The following PCDHA4 variants were observed in gnomAD, a reference collection of about 807,000 sequenced individuals.
The protein encoded by PCDHA4 is protocadherin alpha 4.
A neutral mutation model predicts 61.4 loss-of-function variants in PCDHA4; 49 were observed. The ratio of observed to expected loss-of-function variants is 0.80; its 90% CI spans 0.63 to 1.01. PCDHA4 has a LOEUF of 1.01. Ranked by LOEUF, PCDHA4 falls within the 50% of genes least tolerant of loss-of-function variation. PCDHA4 has a pLI of 0.00. For synonymous variants in PCDHA4, 590 were observed against 550.3 expected, an observed-to-expected ratio of 1.07 and a Z score of -1.01; for missense variants, 1,254 against 1,235.8, an observed-to-expected ratio of 1.01 and a Z score of -0.22.
At chr5:140,868,859 A>G (rs2050687281) in intron 1 of PCDHA4, 1 of 502,518 alleles carries the variant, frequency 2.0e-6, no homozygotes, top group African/African-American at 1.9e-5. Context: ...TGTGGTGGTA[A>G]ATGCAGTGCA....
intron 1 of PCDHA4, chr5:140,827,813 G>T (rs1489929316): frequency 5.5e-6 from 2 of 360,766 alleles, no homozygotes; most frequent in Admixed American, 4.3e-5. Flanking sequence ...CGTGAGGAGG[G>T]TTTACTATAA....
chr5:140,932,975 A>G (rs2088770619), intron 1 of PCDHA4, among the ~76,000 whole-genome samples: 1 of 152,012 alleles, frequency 6.6e-6, no homozygotes, highest in African/African-American at 2.4e-5. Flanking sequence ...GGTTTTTACA[A>G]TGCTCAAATG....
At chr5:140,844,886 G>A (rs1779598763) in intron 1 of PCDHA4, among the ~76,000 whole-genome samples, 1 of 149,368 alleles carries the variant, frequency 6.7e-6, no homozygotes, top group Admixed American at 6.7e-5. Context: ...TAGACTTCGT[G>A]CATATTGCTT....
chr5:140,852,885 A>ATT, intron 1 of PCDHA4: 58 of 777,210 alleles, frequency 7.5e-5, no homozygotes, highest in Non-Finnish European at 8.7e-5. Flanking sequence ...CATAAAACGT[A>ATT]TTTTTTTTTT....
At chr5:140,965,030 C>A (rs2095870201) in intron 1 of PCDHA4, among the ~76,000 whole-genome samples, 1 of 152,166 alleles carries the variant, frequency 6.6e-6, no homozygotes, top group East Asian at 1.9e-4. Flanking sequence ...GCTCCTTTAA[C>A]TGTCCGCTCT....
intron 1 of PCDHA4, chr5:140,813,404 C>T (rs2126646229): frequency 6.6e-6 from 1 of 152,258 alleles, no homozygotes; most frequent in East Asian, 1.9e-4. Context: ...AGGCTACAAA[C>T]CTGTACATAT....
At chr5:140,986,738 G>T (rs1483741648) in intron 3 of PCDHA4, among the ~76,000 whole-genome samples, 1 of 152,168 alleles carries the variant, frequency 6.6e-6, no homozygotes, top group Admixed American at 6.5e-5. Flanking sequence ...AAGACCCCAG[G>T]GGATCTGGGA....
At chr5:140,857,904 T>C in intron 1 of PCDHA4, 2 of 1,597,710 alleles carry the variant, frequency 1.3e-6, no homozygotes, top group South Asian at 1.1e-5. Context: ...GGTGCACGCA[T>C]CCCGTTTCGC....
chr5:140,888,239 C>G (rs1361679058), intron 1 of PCDHA4, among the ~76,000 whole-genome samples: 3 of 151,992 alleles, frequency 2.0e-5, no homozygotes, highest in Non-Finnish European at 4.4e-5. Flanking sequence ...TGTGCGTGTT[C>G]CTTTAAAGCA....
At chr5:140,827,914 G>C (rs1479544494) in intron 1 of PCDHA4, 1 of 863,992 alleles carries the variant, frequency 1.2e-6, no homozygotes, top group African/African-American at 1.7e-5. Flanking sequence ...GCATGATGTC[G>C]CTGTCTACCA....
chr5:140,908,967 G>A (rs1039870615), intron 1 of PCDHA4, among the ~76,000 whole-genome samples: 10 of 152,076 alleles, frequency 6.6e-5, no homozygotes, highest in African/African-American at 2.4e-4. Context: ...ATCTTGATAG[G>A]CCCCACTCCA....
At chr5:140,843,076 G>C in intron 1 of PCDHA4, 1 of 1,595,332 alleles carries the variant, frequency 6.3e-7, no homozygotes, top group South Asian at 1.1e-5. Context: ...CGCGGTCTGT[G>C]GGCGCGGGCC....
At chr5:140,928,576 A>G in intron 1 of PCDHA4, 1 of 1,614,160 alleles carries the variant, frequency 6.2e-7, no homozygotes, top group South Asian at 1.1e-5. Flanking sequence ...CTTGCCCAGA[A>G]ATGGTTCTGT....
intron 1 of PCDHA4, chr5:140,836,332 T>C (rs2150258033): frequency 1.2e-6 from 2 of 1,613,714 alleles, no homozygotes; most frequent in Non-Finnish European, 1.7e-6. Context: ...CTTCTGGTGC[T>C]TGTGAAGGAC....
In PCDHA4 at chr5:140,884,626, A is replaced by G. The variant is rs782131642; in HGVS notation, c.2385+75054A>G. 9 of 1,613,602 alleles carry G rather than the reference A, an allele frequency of 5.6e-6. No individual in the cohort carries two copies. In the Admixed American group the frequency reaches 1.5e-4, roughly 27 times the overall value. ...CTTGTCTGGGTTCTGCAGAGGGAAC[A>G]GGCCAGAGGGAGGAGGACTCAGAAT... On this transcript the variant is annotated intron_variant, in intron 1 of 3. Transcript: ENST00000530339.
intron 1 of PCDHA4, among the ~76,000 whole-genome samples, chr5:140,888,361 C>G (rs1445087911): frequency 2.0e-5 from 3 of 152,156 alleles, no homozygotes; most frequent in Non-Finnish European, 4.4e-5. Flanking sequence ...CTACTGGCAT[C>G]TAATAATGGA....
intron 1 of PCDHA4, chr5:140,870,532 T>A: frequency 1.2e-6 from 2 of 1,614,184 alleles, no homozygotes; most frequent in Non-Finnish European, 1.7e-6. Flanking sequence ...CTTCACAGTG[T>A]CGGCGCGGGA....
At chr5:140,877,272 C>T in intron 1 of PCDHA4, 3 of 1,613,832 alleles carry the variant, frequency 1.9e-6, no homozygotes, top group Non-Finnish European at 2.5e-6. Flanking sequence ...TGGACGCTGA[C>T]TCCGGCTATA....
At chr5:140,924,901 A>AAAAAAATAAAT (rs369245222) in intron 1 of PCDHA4, among the ~76,000 whole-genome samples, 34 of 80,504 alleles carry the variant, frequency 4.2e-4, no homozygotes, top group Non-Finnish European at 7.7e-4. Context: ...TCTCAAAAAA[A>AAAAAAATAAAT]AAAATAAAAT....
Sources: gnomAD v4.1 joint callset for allele counts (sites outside exome capture counted in the v4.1 genomes callset) on GRCh38, gnomAD v4.1.1 for gene constraint, MANE v1.5 for transcripts, NCBI Gene and HGNC (gene_info 2026-07-23, HGNC 2026-07-21) for gene names.